Variants in PLCE1 observed in about 807,000 individuals in gnomAD.
The protein encoded by PLCE1 is 1-phosphatidylinositol 4,5-bisphosphate phosphodiesterase epsilon-1.
A neutral mutation model predicts 242.8 loss-of-function variants in PLCE1; 119 were observed. The observed-to-expected ratio is 0.49, with a 90% CI of 0.42 to 0.57. PLCE1 has a LOEUF of 0.57. PLCE1 is among the 20% of genes least tolerant of loss of function. The pLI is 0.00. For synonymous variants in PLCE1, 945 were observed against 1,017.4 expected (o/e 0.93, Z 1.35); for missense variants, 2,441 against 2,788.8 (o/e 0.88, Z 2.81).
Position 94,298,607 on chromosome 10 carries a change from C to T in PLCE1, c.5396C>T (p.Pro1799Leu), listed in dbSNP as rs1158131470. The change falls in exon 24 of 33, where the codon CCG becomes CTG. Residue 1799 changes from proline to leucine, a missense_variant. Around this residue, in one of 5 missense-constraint regions of PLCE1, gnomAD observed 1,004 missense variants for 1,322.7 expected, o/e 0.76. Transcript: ENST00000371380. The surrounding 1 kb of genome is among the most constrained non-coding windows in gnomAD (Gnocchi z 5.2). ...GCCACCCGCATCGACTCTTCCAACC[C>T]GAACCCCCTCATGTTCTGGCTCCAT... ...PAATRIDSSNPNPLMFWLHGI... is the reference protein window; with the variant it reads ...PAATRIDSSNLNPLMFWLHGI... The T allele has an allele frequency of 6.8e-6, 11 of 1,614,004 alleles. No homozygotes were observed. Among genetic ancestry groups the T allele is most frequent in the East Asian group, 2.2e-5 (1 of 44,896 alleles).
chr10:94,293,801 T>C (rs1236682957), intron 23 of PLCE1, among the ~76,000 whole-genome samples, 162 bp downstream of exon 23: 2 of 152,180 alleles, frequency 1.3e-5, no homozygotes, highest in Non-Finnish European at 2.9e-5. Context: ...CTTACACTTT[T>C]AACGTACTAA....
At chr10:94,310,394 G>C (rs565494032) in intron 27 of PLCE1, among the ~76,000 whole-genome samples, 1 of 152,158 alleles carries the variant, frequency 6.6e-6, no homozygotes, top group South Asian at 2.1e-4. Flanking sequence ...TATCACCTGG[G>C]GAGCTTTAAA....
At chr10:94,140,146 T>C (rs527697393) in intron 3 of PLCE1, among the ~76,000 whole-genome samples, 3 of 152,294 alleles carry the variant, frequency 2.0e-5, no homozygotes, top group African/African-American at 7.2e-5. Flanking sequence ...GTCTGTAGAC[T>C]ATATTTAGCT....
At chr10:94,239,294 G>A (rs1186205910) in intron 7 of PLCE1, among the ~76,000 whole-genome samples, 1 of 152,132 alleles carries the variant, frequency 6.6e-6, no homozygotes. Flanking sequence ...TTGAATCACG[G>A]GGGCGGTTTC....
chr10:94,211,539 C>T (rs1195993994), intron 4 of PLCE1, among the ~76,000 whole-genome samples: 1 of 152,212 alleles, frequency 6.6e-6, no homozygotes, highest in Non-Finnish European at 1.5e-5. Context: ...TTGATTTATT[C>T]GTTGTTACAT....
rs375307339 is a variant in PLCE1 at position 94,171,369 on chromosome 10, G to A, written c.1682G>A (p.Arg561Gln). Residue 561 changes from arginine (R) to glutamine (Q), a missense_variant, in exon 4 of 33, where the codon CGG becomes CAG. This residue lies in a region of PLCE1 where 733 missense variants were observed against 754.2 expected (regional missense o/e 0.97). Transcript: ENST00000371380. ...GTCGACTACCTTTGCTTCTTAACAC[G>A]GGACTTGGGCACTCCTGAATGCCAG... ...LPVDYLCFLT[R>Q]DLGTPECQSS... 4.5e-5 allele frequency: 72 copies of A among 1,614,016 alleles called. No individual in the cohort carries two copies. The African/African-American group carries it at 5.3e-4, about 12-fold the overall frequency.
At chr10:94,178,901 A>T (rs1229815536) in intron 4 of PLCE1, among the ~76,000 whole-genome samples, 1 of 152,228 alleles carries the variant, frequency 6.6e-6, no homozygotes, top group Non-Finnish European at 1.5e-5. Flanking sequence ...GAAACGTCTC[A>T]ATCAAAGTTT....
chr10:94,278,298 A>G (rs1002796413), intron 19 of PLCE1, among the ~76,000 whole-genome samples: 3 of 152,210 alleles, frequency 2.0e-5, no homozygotes, highest in East Asian at 3.8e-4. Context: ...AAAAAATTAC[A>G]TCTTTATTTT....
At chr10:94,084,969 A>G (rs2044761797) in intron 2 of PLCE1, among the ~76,000 whole-genome samples, 1 of 152,238 alleles carries the variant, frequency 6.6e-6, no homozygotes, top group Non-Finnish European at 1.5e-5. Flanking sequence ...ATGCAGAATG[A>G]CATAGTAAAT....
rs1213942386 is a variant in PLCE1, at chr10:94,279,520, A to G, written c.4666-262A>G. 8 of 497,288 alleles carry G rather than the reference A, an allele frequency of 1.6e-5. No individual in the cohort carries two copies. The South Asian group carries it at 1.8e-4, about 11-fold the overall frequency. The allele number at this position is 497,288 out of a possible 1,614,324, so 30.8% of individuals were successfully genotyped here. On this transcript the variant is annotated intron_variant, in intron 19 of 32. Coordinates refer to ENST00000371380, the MANE Select transcript of PLCE1 (RefSeq NM_016341.4). The stretch of plus-strand genomic sequence containing the variant: ...TTCTCTTGGAGGGGTTGTCCTGGGA[A>G]CCTGGCTAGCTGGGCACTGCACACA...
intron 23 of PLCE1, among the ~76,000 whole-genome samples, chr10:94,294,880 T>A (rs1049086717): frequency 5.9e-5 from 9 of 151,856 alleles, no homozygotes; most frequent in Non-Finnish European, 1.5e-5. Context: ...CATGCAATGC[T>A]GTTTGATAGC....
chr10:94,274,517 G>C (rs1410038549), intron 19 of PLCE1, among the ~76,000 whole-genome samples: 1 of 151,976 alleles, frequency 6.6e-6, no homozygotes, highest in Non-Finnish European at 1.5e-5. Context: ...CCAATTTGAA[G>C]ATCACCCATG....
chr10:94,328,093 T>G lies in PLCE1; in HGVS notation c.*150T>G, dbSNP rs2054100009. ...GCCTTCACACATGTGAGATCCATGC[T>G]GAGGAGAAGCAAAATGGCACAGGGC... On this transcript the variant is annotated 3_prime_UTR_variant, in exon 33 of 33. Coordinates refer to ENST00000371380, the MANE Select transcript of PLCE1 (RefSeq NM_016341.4). 2.3e-6 allele frequency: 1 copy of G among 429,612 alleles called. No individual in the cohort carries two copies. Among genetic ancestry groups the G allele is most frequent in the Non-Finnish European group, 4.9e-6 (1 of 206,130 alleles). 26.6% of individuals were successfully genotyped at this position (429,612 alleles called of 1,614,324 possible). A position where few individuals can be genotyped will look rare whatever the true frequency, so the allele number is the denominator to read the frequency against.
At chr10:94,313,184 C>T in intron 27 of PLCE1, 70 bp from the exon 28 acceptor site, 1 of 1,575,998 alleles carries the variant, frequency 6.3e-7, no homozygotes, top group Non-Finnish European at 8.7e-7. Flanking sequence ...GTACTAGCAC[C>T]TCTGTATCAA....
At chr10:94,081,938 C>T (rs1352450570) in intron 2 of PLCE1, 2 of 152,226 alleles carry the variant, frequency 1.3e-5, no homozygotes, top group Non-Finnish European at 2.9e-5. Flanking sequence ...CAGAGAAGCA[C>T]TTCCAGTGTG....
intron 22 of PLCE1, among the ~76,000 whole-genome samples, chr10:94,289,940 T>C (rs75302883): frequency 0.021 from 3,122 of 150,970 alleles, 29 homozygotes; most frequent in South Asian, 0.041. Context: ...TTTTATTTTT[T>C]TAACTTTTTG....
At chr10:94,208,695 C>T (rs1274486144) in intron 4 of PLCE1, among the ~76,000 whole-genome samples, 1 of 152,222 alleles carries the variant, frequency 6.6e-6, no homozygotes, top group Non-Finnish European at 1.5e-5. Context: ...TCCTACTCCC[C>T]TCCCCAGATC....
chr10:94,189,560 T>C (rs1337805102), intron 4 of PLCE1, among the ~76,000 whole-genome samples: 1 of 152,242 alleles, frequency 6.6e-6, no homozygotes, highest in South Asian at 2.1e-4. Context: ...GGCAGGATCA[T>C]GCATGATGGA....
At chr10:94,141,657 A>AC (rs545734863) in intron 3 of PLCE1, among the ~76,000 whole-genome samples, 8 of 106,192 alleles carry the variant, frequency 7.5e-5, no homozygotes, top group East Asian at 6.1e-4. Flanking sequence ...AGGAAAGAAG[A>AC]AAGGGAGGGA....
Sources: gnomAD v4.1 joint callset for allele counts (sites outside exome capture counted in the v4.1 genomes callset) on GRCh38, gnomAD v4.1.1 for gene constraint, gnomAD v4.1.1 regional missense constraint, Gnocchi (gnomAD v3.1) non-coding constraint, MANE v1.5 for transcripts, NCBI Gene and HGNC (gene_info 2026-07-23, HGNC 2026-07-21) for gene names.